The following SDK1 variants were observed in gnomAD, a reference collection of about 807,000 sequenced individuals.
SDK1 encodes the protein sidekick cell adhesion molecule 1, also known as protein sidekick-1.
In SDK1, 157 loss-of-function variants were observed where a neutral mutation model predicts 245.5. The ratio of observed to expected loss-of-function variants is 0.64; its 90% CI spans 0.56 to 0.73. The LOEUF (loss-of-function observed/expected upper bound fraction) is 0.73, where lower values mean the gene tolerates loss of function less well. Ranked by LOEUF, SDK1 falls within the 30% of genes least tolerant of loss-of-function variation. The pLI is 0.00. For missense variants in SDK1, 3,583 were observed against 3,002.3 expected (o/e 1.19, Z -4.52); for synonymous variants, 1,647 against 1,278.5 (o/e 1.29, Z -6.15).
At chr7:3,527,077 C>G (rs1583125017) in intron 1 of SDK1, among the ~76,000 whole-genome samples, 2 of 152,098 alleles carry the variant, frequency 1.3e-5, no homozygotes, top group Non-Finnish European at 2.9e-5. Flanking sequence ...GTCACCAGCC[C>G]TGCTATTTTG....
intron 1 of SDK1, among the ~76,000 whole-genome samples, chr7:3,365,054 G>T (rs1433104519): frequency 1.3e-5 from 2 of 152,114 alleles, no homozygotes; most frequent in Non-Finnish European, 2.9e-5. Flanking sequence ...TTAAATTTTG[G>T]TGTCAGTGTG....
rs750624065 is a variant in SDK1 at position 4,174,186 on chromosome 7, C to T, written c.4801-36C>T. ...TGCTGCAGGCCAGCTGGGTTGACTC[C>T]CATGGTGTGGCTGAGTCGGTGTGAT... On this transcript the variant is annotated intron_variant, in intron 32 of 44. Transcript: ENST00000404826. The T allele has an allele frequency of 6.2e-6, 10 of 1,611,932 alleles. No individual in the cohort carries two copies. In the East Asian group the frequency reaches 2.2e-4, roughly 36 times the overall value.
chr7:3,942,052 G>A lies in SDK1; in HGVS notation c.848-8871G>A, dbSNP rs368214354. 2.8e-4 allele frequency among the ~76,000 whole-genome samples: 42 copies of A among 151,904 alleles called. No individual in the cohort carries two copies. The East Asian group carries it at 5.8e-3, about 21-fold the overall frequency. On this transcript the variant is annotated intron_variant, in intron 5 of 44. Transcript: ENST00000404826. Reference sequence around the variant, plus strand: ...GCCTCCCGTAGCTGGGACTACAGGCGCCCGCCACCATGCCCAGCTAATTTT... The same window carrying A: ...GCCTCCCGTAGCTGGGACTACAGGCACCCGCCACCATGCCCAGCTAATTTT...
At position 3,450,686 on chromosome 7, in the gene SDK1, G is replaced by T. The variant is rs1780487582; in HGVS notation, c.298+148802G>T. ...GACAAATGAAGATCTTTATTGGTTGGCTGAATAGATCTGACCTTAGCTCAT... is the reference window on the plus strand; with the variant it reads ...GACAAATGAAGATCTTTATTGGTTGTCTGAATAGATCTGACCTTAGCTCAT... On this transcript the variant is annotated intron_variant, in intron 1 of 44. Coordinates refer to ENST00000404826, the MANE Select transcript of SDK1 (RefSeq NM_152744.4). 3.9e-5 allele frequency among the ~76,000 whole-genome samples: 6 copies of T among 152,284 alleles called. 1 individual carries two copies. Among genetic ancestry groups the T allele is most frequent in the Admixed American group, 3.3e-4 (5 of 15,294 alleles).
chr7:3,380,682 G>C (rs908136082), intron 1 of SDK1, among the ~76,000 whole-genome samples: 1 of 152,164 alleles, frequency 6.6e-6, no homozygotes, highest in African/African-American at 2.4e-5. Context: ...TAAGGAGACT[G>C]ACTCTTTCTG....
At chr7:3,431,110 A>G (rs897411770) in intron 1 of SDK1, among the ~76,000 whole-genome samples, 1 of 152,120 alleles carries the variant, frequency 6.6e-6, no homozygotes, top group Non-Finnish European at 1.5e-5. Flanking sequence ...CATGTTGGCC[A>G]GGTTGGTCTC....
At chr7:3,973,185 C>T (rs1782626615) in intron 12 of SDK1, among the ~76,000 whole-genome samples, 1 of 152,190 alleles carries the variant, frequency 6.6e-6, no homozygotes, top group Admixed American at 6.5e-5. Flanking sequence ...TGTAAGTGAC[C>T]AGCCAGCCAG....
intron 5 of SDK1, among the ~76,000 whole-genome samples, chr7:3,940,580 C>G (rs1231148749): frequency 1.3e-5 from 2 of 152,130 alleles, no homozygotes; most frequent in African/African-American, 4.8e-5. Flanking sequence ...TGGTGGCTCA[C>G]GCCTGTAATC....
chr7:3,465,061 A>G (rs1033387487), intron 1 of SDK1, among the ~76,000 whole-genome samples: 4 of 152,188 alleles, frequency 2.6e-5, no homozygotes, highest in African/African-American at 9.6e-5. Flanking sequence ...ACAGATGTCA[A>G]GAGTCAGAAT....
At chr7:3,526,136 GGCAGGA>G (rs1783122093) in intron 1 of SDK1, among the ~76,000 whole-genome samples, 3 of 152,056 alleles carry the variant, frequency 2.0e-5, no homozygotes, top group African/African-American at 7.3e-5. Context: ...CAGGAGCTGA[GGCAGGA>G]GAATTGCTTG....
chr7:4,109,409 A>G (rs1032747457), intron 22 of SDK1, among the ~76,000 whole-genome samples: 1 of 152,118 alleles, frequency 6.6e-6, no homozygotes, highest in Non-Finnish European at 1.5e-5. Context: ...AGACTTAGCC[A>G]CCCACCACCT....
chr7:3,408,353 C>G (rs535808571), intron 1 of SDK1, among the ~76,000 whole-genome samples: 6 of 152,198 alleles, frequency 3.9e-5, no homozygotes, highest in African/African-American at 1.4e-4. Context: ...CCAGTTCATC[C>G]TTTAATTTTG....
intron 1 of SDK1, among the ~76,000 whole-genome samples, chr7:3,375,261 C>G (rs561273705): frequency 2.0e-5 from 3 of 151,776 alleles, no homozygotes; most frequent in Non-Finnish European, 4.4e-5. Context: ...ATGTCACAAA[C>G]TTATGCTAAA....
intron 44 of SDK1, among the ~76,000 whole-genome samples, chr7:4,262,070 C>G (rs1788053139): frequency 1.6e-5 from 2 of 127,850 alleles, no homozygotes; most frequent in Admixed American, 8.8e-5. Flanking sequence ...GGCTCTGTCA[C>G]CCAGGCTGGA....
chr7:3,392,302 TGAG>T (rs1781778898), intron 1 of SDK1, among the ~76,000 whole-genome samples: 1 of 152,010 alleles, frequency 6.6e-6, no homozygotes, highest in African/African-American at 2.4e-5. Context: ...AAAATACACT[TGAG>T]GTATTTAATT....
chr7:3,829,815 C>G (rs1157553077), intron 5 of SDK1, among the ~76,000 whole-genome samples: 1 of 152,190 alleles, frequency 6.6e-6, no homozygotes. Context: ...AACATTCATT[C>G]CAGAGAACAG....
chr7:4,105,211 G>C (rs932299344), intron 22 of SDK1, among the ~76,000 whole-genome samples: 9 of 152,062 alleles, frequency 5.9e-5, no homozygotes, highest in African/African-American at 2.2e-4. Context: ...TTGAACTCCT[G>C]ACCTCCGGTG....
chr7:3,467,029 C>CACACACAGAGAG (rs1288513856), intron 1 of SDK1, among the ~76,000 whole-genome samples: 1 of 137,556 alleles, frequency 7.3e-6, no homozygotes, highest in African/African-American at 2.7e-5. Flanking sequence ...CACACACACA[C>CACACACAGAGAG]AGAGATGTAA....
At chr7:3,901,353 ATTT>A (rs1781784501) in intron 5 of SDK1, among the ~76,000 whole-genome samples, 1 of 151,820 alleles carries the variant, frequency 6.6e-6, no homozygotes, top group African/African-American at 2.4e-5. Context: ...CGCCCGGTTA[ATTT>A]TTTGTTTTTT....
Sources: allele counts gnomAD v4.1 joint callset (sites outside exome capture counted in the v4.1 genomes callset), GRCh38; gene constraint gnomAD v4.1.1; transcripts MANE v1.5; gene names NCBI Gene and HGNC (gene_info 2026-07-23, HGNC 2026-07-21).